GTF2F2: variants seen among roughly 807,000 people sequenced by gnomAD.
GTF2F2 encodes general transcription factor IIF subunit 2.
Under a neutral mutation model 42.2 loss-of-function variants are expected in GTF2F2, and 23 were observed. That is an observed-to-expected ratio of 0.55 (90% CI 0.39 to 0.77). The LOEUF is 0.77. GTF2F2 is among the 30% of genes least tolerant of loss of function. The probability of loss-of-function intolerance (pLI) is 0.00; values close to 1 mark genes in which losing one functional copy is unlikely to be tolerated. For missense variants in GTF2F2, 261 were observed against 287.2 expected (o/e 0.91, Z 0.66); for synonymous variants, 105 against 100.8 (o/e 1.04, Z -0.25).
intron 5 of GTF2F2, among the ~76,000 whole-genome samples, chr13:45,226,074 A>G (rs1210835278): frequency 1.3e-5 from 2 of 152,002 alleles, no homozygotes; most frequent in Non-Finnish European, 2.9e-5. Flanking sequence ...AAAAAAAGCA[A>G]TGTCATAGAA....
intron 7 of GTF2F2, among the ~76,000 whole-genome samples, chr13:45,283,156 TA>T (rs1877331256): frequency 6.6e-6 from 1 of 152,138 alleles, no homozygotes; most frequent in African/African-American, 2.4e-5. Context: ...GTATTTCATG[TA>T]GTGTTTTTTG....
At chr13:45,223,347 C>T (rs995924486) in intron 5 of GTF2F2, among the ~76,000 whole-genome samples, 1 of 151,344 alleles carries the variant, frequency 6.6e-6, no homozygotes, top group African/African-American at 2.4e-5. Context: ...CGTGCGCATG[C>T]GTGCACCCCT....
chr13:45,273,372 G>A (rs1876883958), intron 7 of GTF2F2, among the ~76,000 whole-genome samples: 1 of 151,928 alleles, frequency 6.6e-6, no homozygotes, highest in South Asian at 2.1e-4. Context: ...CACAGCATTT[G>A]GCCCTTGTTT....
intron 6 of GTF2F2, chr13:45,263,756 ATGT>A (rs1480190961): frequency 6.5e-6 from 1 of 154,928 alleles, no homozygotes; most frequent in Non-Finnish European, 1.4e-5. Flanking sequence ...CTGAGGTTTT[ATGT>A]TGTTGGAGCA....
At chr13:45,241,304 G>A (rs1004550457) in intron 5 of GTF2F2, among the ~76,000 whole-genome samples, 1 of 151,912 alleles carries the variant, frequency 6.6e-6, no homozygotes, top group Non-Finnish European at 1.5e-5. Flanking sequence ...CTACCCACCT[G>A]GGGTGGAGCA....
At chr13:45,164,588 G>T (rs1197787245) in intron 4 of GTF2F2, among the ~76,000 whole-genome samples, 1 of 152,124 alleles carries the variant, frequency 6.6e-6, no homozygotes, top group Non-Finnish European at 1.5e-5. Flanking sequence ...GCTGGGTATG[G>T]TGGCATGCAC....
intron 6 of GTF2F2, among the ~76,000 whole-genome samples, chr13:45,258,793 G>A (rs1876207012): frequency 6.6e-6 from 1 of 152,008 alleles, no homozygotes; most frequent in African/African-American, 2.4e-5. Context: ...ACAGTAGTAC[G>A]TTTGTCCAGT....
chr13:45,149,999 A>G (rs557885583), intron 3 of GTF2F2, among the ~76,000 whole-genome samples: 5 of 152,162 alleles, frequency 3.3e-5, no homozygotes, highest in South Asian at 4.1e-4. Context: ...TTTGACCTAC[A>G]TTTCCCCTCT....
At chr13:45,275,066 C>A (rs988158791) in intron 7 of GTF2F2, among the ~76,000 whole-genome samples, 1 of 152,178 alleles carries the variant, frequency 6.6e-6, no homozygotes, top group Non-Finnish European at 1.5e-5. Flanking sequence ...CTTTCTCTCC[C>A]CTACAGGGAA....
chr13:45,130,393 G>A (rs1424135067), intron 1 of GTF2F2, among the ~76,000 whole-genome samples: 10 of 152,210 alleles, frequency 6.6e-5, no homozygotes, highest in Admixed American at 6.5e-4. Flanking sequence ...CTATGTAGAT[G>A]TCTGTTAAAT....
At chr13:45,130,152 C>G (rs1468511654) in intron 1 of GTF2F2, among the ~76,000 whole-genome samples, 2 of 152,072 alleles carry the variant, frequency 1.3e-5, no homozygotes, top group Admixed American at 6.6e-5. Flanking sequence ...AGCTAGTAGC[C>G]ATGGAGAGGC....
At chr13:45,136,867 T>C (rs953029178) in intron 2 of GTF2F2, 61 bp downstream of exon 2, 2 of 879,338 alleles carry the variant, frequency 2.3e-6, no homozygotes, top group Non-Finnish European at 1.9e-6. Context: ...TTATAAGTGC[T>C]TTTAAAAGTG....
At chr13:45,207,338 T>G (rs1873457222) in intron 4 of GTF2F2, 86 bp from the exon 5 acceptor site, 6 of 721,682 alleles carry the variant, frequency 8.3e-6, no homozygotes, top group Admixed American at 2.6e-5. Flanking sequence ...TATATTTGAT[T>G]GTCATATTAC....
chr13:45,231,009 T>A (rs777263013), intron 5 of GTF2F2, among the ~76,000 whole-genome samples: 2 of 152,074 alleles, frequency 1.3e-5, no homozygotes, highest in Non-Finnish European at 1.5e-5. Flanking sequence ...GGTTCAATTC[T>A]AGTATTAATT....
chr13:45,169,415 G>A (rs746150605), intron 4 of GTF2F2, among the ~76,000 whole-genome samples: 1 of 152,120 alleles, frequency 6.6e-6, no homozygotes, highest in Non-Finnish European at 1.5e-5. Flanking sequence ...CAAAGTTGTA[G>A]GCACCTCGAT....
chr13:45,120,568 T>C lies in GTF2F2; in HGVS notation c.-88T>C, dbSNP rs1433823423. ...CCGGCTCTTCGCCTCTCAGCGCGGC[T>C]TGTCCTTTGTTCCGGACGCCCGCTC... On this transcript the variant is annotated 5_prime_UTR_variant, in exon 1 of 8. Transcript: ENST00000340473. 1 of 918,332 alleles carries C rather than the reference T, an allele frequency of 1.1e-6. No homozygotes were observed. Among genetic ancestry groups the C allele is most frequent in the East Asian group, 2.6e-5 (1 of 37,804 alleles). The allele number at this position is 918,332 out of a possible 1,614,324, so 56.9% of individuals were successfully genotyped here. A position where few individuals can be genotyped will look rare whatever the true frequency, so the allele number is the denominator to read the frequency against.
rs1161627204 is a variant in GTF2F2 at position 45,127,938 on chromosome 13, CTTTTTTTTTTT to C, written c.66+7238_66+7248del. 2.0e-3 allele frequency among the ~76,000 whole-genome samples: 96 copies of C among 48,594 alleles called. 1 individual carries two copies. The highest frequency in any genetic ancestry group is 6.4e-3 in the African/African-American group (77 of 12,070). The allele number at this position is 48,594 out of a possible 152,430, so 31.9% of individuals were successfully genotyped here. A position where few individuals can be genotyped will look rare whatever the true frequency, so the allele number is the denominator to read the frequency against. On this transcript the variant is annotated intron_variant, in intron 1 of 7. Transcript: ENST00000340473. ...GAGCCACTGTGCCTGGCACCCCGGCCTTTTTTTTTTTTTTTTTTTTTTTTTTTTTTTCTTTT... is the reference window on the plus strand; with the variant it reads ...GAGCCACTGTGCCTGGCACCCCGGCCTTTTTTTTTTTTTTTTTTTTCTTTT...
chr13:45,192,063 G>A (rs1409917003), intron 4 of GTF2F2, among the ~76,000 whole-genome samples: 1 of 152,036 alleles, frequency 6.6e-6, no homozygotes, highest in South Asian at 2.1e-4. Flanking sequence ...CCAAGGAAAA[G>A]TCAACTCCTA....
chr13:45,150,391 C>T (rs1163574614), intron 3 of GTF2F2, among the ~76,000 whole-genome samples: 1 of 151,860 alleles, frequency 6.6e-6, no homozygotes, highest in Non-Finnish European at 1.5e-5. Flanking sequence ...AAAATAATAC[C>T]ATGTACTCAT....
Sources: gnomAD v4.1 joint callset for allele counts (sites outside exome capture counted in the v4.1 genomes callset) on GRCh38, gnomAD v4.1.1 for gene constraint, MANE v1.5 for transcripts, NCBI Gene and HGNC (gene_info 2026-07-23, HGNC 2026-07-21) for gene names.